The following GTF2F2 variants were observed in gnomAD, a reference collection of about 807,000 sequenced individuals.
The protein encoded by GTF2F2 is ATP-dependent helicase GTF2F2.
GTF2F2 carries 23 observed loss-of-function variants against 42.2 expected under a neutral mutation model. The observed-to-expected ratio is 0.55, with a 90% confidence interval of 0.39 to 0.77. The LOEUF is 0.77. GTF2F2 is among the 30% of genes least tolerant of loss of function. The pLI, the probability that GTF2F2 is intolerant of heterozygous loss-of-function variation, is 0.00. For missense variants in GTF2F2, 261 were observed against 287.2 expected, an observed-to-expected ratio of 0.91 and a Z score of 0.66; for synonymous variants, 105 against 100.8, an observed-to-expected ratio of 1.04 and a Z score of -0.25.
At chr13:45,217,951 A>G (rs921528188) in intron 5 of GTF2F2, among the ~76,000 whole-genome samples, 4 of 152,238 alleles carry the variant, frequency 2.6e-5, no homozygotes, top group Non-Finnish European at 4.4e-5. Flanking sequence ...ATGAATGGGC[A>G]TAAGTCAAAC....
chr13:45,164,706 A>G (rs954628311), intron 4 of GTF2F2, among the ~76,000 whole-genome samples: 7 of 152,190 alleles, frequency 4.6e-5, no homozygotes, highest in African/African-American at 1.7e-4. Flanking sequence ...AGTGTCAGTG[A>G]CAGAGTGAGA....
At chr13:45,281,572 G>A (rs1043832969) in intron 7 of GTF2F2, among the ~76,000 whole-genome samples, 12 of 152,280 alleles carry the variant, frequency 7.9e-5, no homozygotes, top group Middle Eastern at 3.4e-3. Context: ...TACATGAGTC[G>A]CCTAGGCACT....
chr13:45,159,830 A>G (rs1421852361), intron 4 of GTF2F2, among the ~76,000 whole-genome samples: 1 of 152,110 alleles, frequency 6.6e-6, no homozygotes, highest in Non-Finnish European at 1.5e-5. Flanking sequence ...AATTTGGTGC[A>G]TTTCCCTTAT....
At chr13:45,141,216 AC>A (rs1008894274) in intron 2 of GTF2F2, among the ~76,000 whole-genome samples, 1 of 152,204 alleles carries the variant, frequency 6.6e-6, no homozygotes, top group Non-Finnish European at 1.5e-5. Context: ...GCTGAGAGAA[AC>A]CCATGTAAAT....
At chr13:45,282,161 G>A (rs1016598381) in intron 7 of GTF2F2, among the ~76,000 whole-genome samples, 1 of 152,030 alleles carries the variant, frequency 6.6e-6, no homozygotes, top group Admixed American at 6.6e-5. Flanking sequence ...TCATGCCACT[G>A]CACTCCAGCT....
chr13:45,139,263 G>T (rs1344799028), intron 2 of GTF2F2, among the ~76,000 whole-genome samples: 4 of 152,134 alleles, frequency 2.6e-5, no homozygotes, highest in Non-Finnish European at 5.9e-5. Flanking sequence ...TGGGGCAGGG[G>T]CATTTCTTAG....
intron 5 of GTF2F2, among the ~76,000 whole-genome samples, chr13:45,233,492 C>T (rs748484071): frequency 2.6e-5 from 4 of 152,178 alleles, no homozygotes; most frequent in Admixed American, 2.6e-4. Flanking sequence ...GCTGTAGGTT[C>T]GGTTGCCAAT....
chr13:45,233,908 G>A (rs1406886790), intron 5 of GTF2F2, among the ~76,000 whole-genome samples: 1 of 152,154 alleles, frequency 6.6e-6, no homozygotes, highest in East Asian at 1.9e-4. Context: ...GCGCGTCTCT[G>A]TCTCAAAAAC....
chr13:45,227,980 A>ATC (rs1219680477), intron 5 of GTF2F2, among the ~76,000 whole-genome samples: 5 of 152,160 alleles, frequency 3.3e-5, no homozygotes, highest in African/African-American at 1.2e-4. Flanking sequence ...CCAGTGAAGA[A>ATC]TCCTTTGACG....
chr13:45,197,542 C>A (rs995788612), intron 4 of GTF2F2, among the ~76,000 whole-genome samples: 3 of 151,326 alleles, frequency 2.0e-5, no homozygotes, highest in African/African-American at 7.3e-5. Flanking sequence ...CCAGTAGGCC[C>A]CGCTGTATGC....
At chr13:45,226,841 G>C (rs1874382760) in intron 5 of GTF2F2, among the ~76,000 whole-genome samples, 1 of 152,042 alleles carries the variant, frequency 6.6e-6, no homozygotes, top group Non-Finnish European at 1.5e-5. Flanking sequence ...TTCTGGTAAG[G>C]GTTGTGTATT....
At chr13:45,223,140 T>A (rs1196778993) in intron 5 of GTF2F2, among the ~76,000 whole-genome samples, 1 of 151,836 alleles carries the variant, frequency 6.6e-6, no homozygotes, top group African/African-American at 2.4e-5. Context: ...TCCTGTAGTC[T>A]CAGCTACTCC....
intron 4 of GTF2F2, among the ~76,000 whole-genome samples, chr13:45,185,101 G>A (rs1872355986): frequency 6.6e-6 from 1 of 152,096 alleles, no homozygotes; most frequent in African/African-American, 2.4e-5. Context: ...TGGATTATAG[G>A]TGCGACACCC....
chr13:45,250,935 T>G (rs147145769), intron 5 of GTF2F2, among the ~76,000 whole-genome samples: 34 of 152,340 alleles, frequency 2.2e-4, no homozygotes, highest in African/African-American at 7.9e-4. Context: ...TATTTATGGT[T>G]ACATATCCAG....
chr13:45,151,733 G>C lies in GTF2F2; in HGVS notation c.206G>C (p.Gly69Ala), dbSNP rs1288174465. The C allele has an allele frequency of 1.0e-5, 16 of 1,605,288 alleles. No individual in the cohort carries two copies. Among genetic ancestry groups the C allele is most frequent in the Non-Finnish European group, 1.3e-5 (15 of 1,173,340 alleles). The change falls in exon 4 of 8, where the codon GGT (glycine) becomes GCT (alanine). Residue 69 changes from glycine to alanine, a missense_variant. Physicochemically the swap from Gly to Ala is moderately conservative, Grantham distance 60. Coordinates refer to ENST00000340473, the MANE Select transcript of GTF2F2 (RefSeq NM_004128.3). ...NEDLANIHDI[G>A]GKPASVSAPR... ...GATCTTGCAAATATTCATGATATTG[G>C]TGGAAAACCAGCTTCAGTCAGTGCT...
intron 4 of GTF2F2, among the ~76,000 whole-genome samples, chr13:45,176,789 T>C (rs955326525): frequency 6.6e-6 from 1 of 152,066 alleles, no homozygotes; most frequent in Non-Finnish European, 1.5e-5. Flanking sequence ...TTCTTTTTCT[T>C]TTCTTCTTTT....
intron 5 of GTF2F2, among the ~76,000 whole-genome samples, chr13:45,209,170 A>G (rs778202541): frequency 3.3e-5 from 5 of 152,258 alleles, no homozygotes; most frequent in Non-Finnish European, 5.9e-5. Context: ...CAGCTGTTAC[A>G]TAGTCATGCA....
At chr13:45,266,172 C>T (rs1467544290) in intron 6 of GTF2F2, among the ~76,000 whole-genome samples, 1 of 152,164 alleles carries the variant, frequency 6.6e-6, no homozygotes. Context: ...AAACATAACA[C>T]ATGGTCCTGA....
intron 5 of GTF2F2, among the ~76,000 whole-genome samples, chr13:45,242,136 C>G (rs558368347): frequency 5.3e-5 from 8 of 151,976 alleles, no homozygotes; most frequent in Admixed American, 1.3e-4. Flanking sequence ...TGTTTTAAAG[C>G]TAGGCTTCTT....
Sources: gnomAD v4.1 joint callset for allele counts (sites outside exome capture counted in the v4.1 genomes callset) on GRCh38, gnomAD v4.1.1 for gene constraint, MANE v1.5 for transcripts, NCBI Gene and HGNC (gene_info 2026-07-23, HGNC 2026-07-21) for gene names.